The following SLC39A11 variants were observed in gnomAD, a reference collection of about 807,000 sequenced individuals.
SLC39A11 encodes solute carrier family 39 member 11, also known as zinc transporter ZIP11.
In SLC39A11, 33 loss-of-function variants were observed where a neutral mutation model predicts 36.1. That is an observed-to-expected ratio of 0.91 (90% CI 0.69 to 1.22). The LOEUF (loss-of-function observed/expected upper bound fraction) is 1.22. Ranked by LOEUF, SLC39A11 falls within the 50% of genes most tolerant of loss-of-function variation. The probability of loss-of-function intolerance (pLI) is 0.00; values close to 1 mark genes in which losing one functional copy is unlikely to be tolerated. For synonymous variants in SLC39A11, 166 were observed against 170.3 expected (o/e 0.97, Z 0.20); for missense variants, 432 against 430.3 (o/e 1.00, Z -0.03).
At chr17:72,648,077 C>G (rs2069650787) in intron 9 of SLC39A11, among the ~76,000 whole-genome samples, 1 of 152,104 alleles carries the variant, frequency 6.6e-6, no homozygotes, top group South Asian at 2.1e-4. Flanking sequence ...AGCCTGTAAT[C>G]CCAGCACTTT....
chr17:72,847,950 G>A (rs1454952170), intron 6 of SLC39A11, among the ~76,000 whole-genome samples: 1 of 152,184 alleles, frequency 6.6e-6, no homozygotes, highest in Non-Finnish European at 1.5e-5. Flanking sequence ...ATCACCCAAG[G>A]ATGCTCCCTG....
At chr17:72,982,411 T>C (rs1207963423) in intron 4 of SLC39A11, among the ~76,000 whole-genome samples, 1 of 152,218 alleles carries the variant, frequency 6.6e-6, no homozygotes, top group Non-Finnish European at 1.5e-5. Context: ...AGGTTAATTT[T>C]AAACATGGAA....
intron 5 of SLC39A11, among the ~76,000 whole-genome samples, chr17:72,892,937 T>C (rs1480107162): frequency 7.2e-5 from 11 of 152,054 alleles, no homozygotes; most frequent in Admixed American, 6.6e-4. Context: ...TTTTCCAGGG[T>C]AGGTTCTCCA....
chr17:72,957,858 C>T (rs1462805004), intron 4 of SLC39A11, among the ~76,000 whole-genome samples: 1 of 150,958 alleles, frequency 6.6e-6, no homozygotes, highest in African/African-American at 2.4e-5. Context: ...GGCGTGATGG[C>T]TTGCGCCTAT....
rs1483971193 is a variant in SLC39A11 at position 72,840,447 on chromosome 17, C to T, written c.601+9187G>A. On this transcript the variant is annotated intron_variant, in intron 6 of 9. Coordinates refer to ENST00000255559, the MANE Select transcript of SLC39A11 (RefSeq NM_139177.4). ...CATGAGTCAATGTCCTCCCTTGGCC[C>T]ACCTGGACAATGTAGAAAGAAAATT... Among the ~76,000 whole-genome samples, 5 of 152,332 alleles carry T rather than the reference C, an allele frequency of 3.3e-5. No homozygotes were observed. In the East Asian group the frequency reaches 9.6e-4, roughly 29 times the overall value.
At chr17:72,915,752 G>A (rs1284921600) in intron 5 of SLC39A11, among the ~76,000 whole-genome samples, 3 of 152,204 alleles carry the variant, frequency 2.0e-5, no homozygotes, top group South Asian at 2.1e-4. Context: ...CCCACGCCTC[G>A]TCAGCCTGGA....
intron 4 of SLC39A11, among the ~76,000 whole-genome samples, chr17:72,995,476 T>C (rs2089450486): frequency 6.6e-6 from 1 of 152,216 alleles, no homozygotes; most frequent in Non-Finnish European, 1.5e-5. Flanking sequence ...AAAATACTAT[T>C]TCCAGGTGTG....
intron 5 of SLC39A11, among the ~76,000 whole-genome samples, chr17:72,881,636 T>C (rs1353377201): frequency 6.6e-6 from 1 of 152,228 alleles, no homozygotes; most frequent in Non-Finnish European, 1.5e-5. Context: ...TACTAAGTAG[T>C]TCATAGAGCT....
At chr17:72,841,658 T>A (rs1016024400) in intron 6 of SLC39A11, among the ~76,000 whole-genome samples, 10 of 152,128 alleles carry the variant, frequency 6.6e-5, no homozygotes, top group African/African-American at 2.4e-4. Context: ...CTATAGTCAA[T>A]AATATAATAA....
At chr17:72,882,436 G>A (rs559841370) in intron 5 of SLC39A11, among the ~76,000 whole-genome samples, 14 of 151,408 alleles carry the variant, frequency 9.2e-5, no homozygotes, top group Middle Eastern at 3.5e-3. Flanking sequence ...TCCAAGACAC[G>A]GAGAAGAGAA....
chr17:72,714,468 G>C (rs574233732), intron 7 of SLC39A11, among the ~76,000 whole-genome samples: 8 of 151,988 alleles, frequency 5.3e-5, no homozygotes, highest in South Asian at 2.1e-4. Flanking sequence ...ATAATGGGTC[G>C]CCAAAAAAGG....
At chr17:72,678,729 T>C (rs1211486545) in intron 7 of SLC39A11, among the ~76,000 whole-genome samples, 1 of 151,766 alleles carries the variant, frequency 6.6e-6, no homozygotes, top group African/African-American at 2.4e-5. Context: ...CTCATGCTCT[T>C]GGGGTAGCAA....
intron 6 of SLC39A11, among the ~76,000 whole-genome samples, chr17:72,772,282 C>G (rs779269088): frequency 6.6e-6 from 1 of 152,216 alleles, no homozygotes; most frequent in Non-Finnish European, 1.5e-5. Flanking sequence ...ACTGCTGGCA[C>G]GTCCAACCTG....
At chr17:73,022,509 C>T (rs1420251751) in intron 4 of SLC39A11, among the ~76,000 whole-genome samples, 1 of 148,988 alleles carries the variant, frequency 6.7e-6, no homozygotes, top group Non-Finnish European at 1.5e-5. Context: ...GCAGGAGAAT[C>T]GCTTGAACCT....
At chr17:72,909,900 T>G (rs535790826) in intron 5 of SLC39A11, among the ~76,000 whole-genome samples, 17 of 151,860 alleles carry the variant, frequency 1.1e-4, no homozygotes, top group Non-Finnish European at 2.9e-5. Flanking sequence ...CGCCCGCCAT[T>G]ACGCCCGGCT....
intron 7 of SLC39A11, among the ~76,000 whole-genome samples, chr17:72,720,887 C>T (rs945825685): frequency 1.3e-5 from 2 of 152,082 alleles, no homozygotes; most frequent in Admixed American, 6.5e-5. Flanking sequence ...ATTCATCCCC[C>T]GAACACATAC....
intron 5 of SLC39A11, among the ~76,000 whole-genome samples, chr17:72,867,094 T>A (rs2146309693): frequency 6.6e-6 from 1 of 152,314 alleles, no homozygotes; most frequent in South Asian, 2.1e-4. Flanking sequence ...ACTAAAATAC[T>A]GGAAAAGTAG....
intron 6 of SLC39A11, among the ~76,000 whole-genome samples, chr17:72,748,594 G>A (rs1027869847): frequency 1.3e-5 from 2 of 152,296 alleles, no homozygotes; most frequent in East Asian, 1.9e-4. Flanking sequence ...GCAGCGCCTC[G>A]TTTGTATGAC....
intron 6 of SLC39A11, among the ~76,000 whole-genome samples, chr17:72,778,529 T>G (rs1034138918): frequency 6.6e-5 from 10 of 152,238 alleles, no homozygotes; most frequent in Admixed American, 5.9e-4. Flanking sequence ...TTAATTTAAT[T>G]TCTGTATTGA....
Sources: allele counts gnomAD v4.1 joint callset (sites outside exome capture counted in the v4.1 genomes callset), GRCh38; gene constraint gnomAD v4.1.1; transcripts MANE v1.5; gene names NCBI Gene and HGNC (gene_info 2026-07-23, HGNC 2026-07-21).